RC3H1: variants seen among roughly 807,000 people sequenced by gnomAD.
RC3H1 encodes the protein roquin-1.
Under a neutral mutation model 138.2 loss-of-function variants are expected in RC3H1, and 50 were observed. The observed-to-expected ratio is 0.36, with a 90% CI of 0.29 to 0.46. The LOEUF is 0.46. Ranked by LOEUF, RC3H1 falls within the 20% of genes least tolerant of loss-of-function variation. The pLI is 1.00. For missense variants in RC3H1, 1,031 were observed against 1,388.1 expected (o/e 0.74, Z 4.09); for synonymous variants, 462 against 489.1 (o/e 0.94, Z 0.73).
chr1:174,017,603 C>T (rs1661882281), intron 1 of RC3H1, among the ~76,000 whole-genome samples: 1 of 151,846 alleles, frequency 6.6e-6, no homozygotes, highest in African/African-American at 2.4e-5. Flanking sequence ...ACAGTGTTTC[C>T]TTTTGGGGTA....
intron 19 of RC3H1, 51 bp from the exon 20 acceptor site, chr1:173,938,922 A>T: frequency 2.8e-6 from 4 of 1,416,868 alleles, no homozygotes; most frequent in Non-Finnish European, 3.9e-6. Flanking sequence ...AATGATTACT[A>T]CAATAAAATC....
chr1:173,951,100 G>A (rs1659376123), intron 14 of RC3H1, among the ~76,000 whole-genome samples: 1 of 152,110 alleles, frequency 6.6e-6, no homozygotes, highest in Non-Finnish European at 1.5e-5. Flanking sequence ...CGAGGCGGGT[G>A]GATCACTTGA....
At chr1:174,010,218 T>C (rs1426698490) in intron 1 of RC3H1, among the ~76,000 whole-genome samples, 1 of 152,130 alleles carries the variant, frequency 6.6e-6, no homozygotes, top group Non-Finnish European at 1.5e-5. Flanking sequence ...ATGATAATAA[T>C]AAATTACCTC....
chr1:173,974,534 C>T (rs1660493275), intron 7 of RC3H1, among the ~76,000 whole-genome samples: 1 of 152,014 alleles, frequency 6.6e-6, no homozygotes, highest in Admixed American at 6.6e-5. Context: ...TTCTTCTTGA[C>T]ATGCAGAATA....
Position 173,984,616 on chromosome 1 carries a change from G to C in RC3H1, c.235C>G (p.Pro79Ala), listed in dbSNP as rs1270522299. 11 of 1,611,136 alleles carry C rather than the reference G, an allele frequency of 6.8e-6. No individual in the cohort carries two copies. The highest frequency in any genetic ancestry group is 7.6e-6 in the Non-Finnish European group (9 of 1,179,228). ...CACAAAGTAATAGGCTGCTGCTCAGGGACCTGGAGGCCAAAAGAAAAGATC... is the reference window on the plus strand; with the variant it reads ...CACAAAGTAATAGGCTGCTGCTCAGCGACCTGGAGGCCAAAAGAAAAGATC... The part of the protein sequence containing the change: ...ALLQLVGAQV[P>A]EQQPITLCSG... Residue 79 changes from proline to alanine, a missense_variant, in exon 3 of 20, where the codon CCT (proline) becomes GCT (alanine). By Grantham distance (27) the Pro-to-Ala change is conservative. Transcript: ENST00000367696.
chr1:173,974,559 A>G (rs1660494807), intron 7 of RC3H1, among the ~76,000 whole-genome samples: 1 of 152,214 alleles, frequency 6.6e-6, no homozygotes, highest in Admixed American at 6.5e-5. Context: ...ACCAAGGGAA[A>G]AACATCCAAG....
chr1:173,942,561 G>A (rs1658931084), intron 18 of RC3H1, among the ~76,000 whole-genome samples: 1 of 151,970 alleles, frequency 6.6e-6, no homozygotes, highest in African/African-American at 2.4e-5. Flanking sequence ...GGCTGGGCGT[G>A]GTGGCTCACA....
At chr1:173,952,794 G>C (rs1320085331) in intron 13 of RC3H1, among the ~76,000 whole-genome samples, 1 of 152,106 alleles carries the variant, frequency 6.6e-6, no homozygotes, top group Non-Finnish European at 1.5e-5. Flanking sequence ...CACTAAAATT[G>C]CAACATTCAC....
chr1:173,960,246 C>T (rs550877354), intron 13 of RC3H1, among the ~76,000 whole-genome samples: 2 of 151,506 alleles, frequency 1.3e-5, no homozygotes, highest in African/African-American at 4.8e-5. Flanking sequence ...ACCAAAAATG[C>T]GCCATTGCAC....
chr1:173,992,669 AACAC>A (rs34709821), intron 2 of RC3H1, 82 bp downstream of exon 2: 1,716 of 649,762 alleles, frequency 2.6e-3, no homozygotes, highest in Admixed American at 3.6e-3. Flanking sequence ...AAACACGCAC[AACAC>A]ACACACACAC....
Position 173,983,476 on chromosome 1 carries a change from T to G in RC3H1, c.534A>C (p.Gln178His), listed in dbSNP as rs1660902046. Residue 178 changes from glutamine to histidine, a missense_variant, in exon 4 of 20, where the codon CAA (glutamine) becomes CAC (histidine). By Grantham distance (24) the Gln-to-His change is conservative. Coordinates refer to ENST00000367696, the MANE Select transcript of RC3H1 (RefSeq NM_172071.4). ...CTGCTGCCCAAAGATTGGAAGAGAG[T>G]TGCTGAGGATTCTGGTGCTGGAGAA... ...ELILQHQNPQQLSSNLWAAVR... is the reference protein window; with the variant it reads ...ELILQHQNPQHLSSNLWAAVR... 1 of 1,614,026 alleles carries G rather than the reference T, an allele frequency of 6.2e-7. No homozygotes were observed. Among genetic ancestry groups the G allele is most frequent in the Non-Finnish European group, 8.5e-7 (1 of 1,180,030 alleles).
intron 18 of RC3H1, among the ~76,000 whole-genome samples, chr1:173,942,241 CAA>C (rs538784048): frequency 8.2e-6 from 1 of 122,512 alleles, no homozygotes; most frequent in Non-Finnish European, 1.7e-5. Context: ...GACTCCGCCT[CAA>C]AAAAAAAAAA....
rs977786975 is a variant in RC3H1 at position 173,936,812 on chromosome 1, A to G, written c.*1909T>C. On this transcript the variant is annotated 3_prime_UTR_variant, in exon 20 of 20. Transcript: ENST00000367696. ...AAGACAAATGTATAAGAAAACTGGA[A>G]AAAAAAAAAGCCTCACCTTCATTCA... The G allele has an allele frequency of 4.2e-5, 6 of 141,938 alleles. No individual in the cohort carries two copies. Among genetic ancestry groups the G allele is most frequent in the African/African-American group, 1.5e-4 (6 of 39,398 alleles). 8.8% of individuals were successfully genotyped at this position (141,938 alleles called of 1,614,324 possible).
intron 1 of RC3H1, among the ~76,000 whole-genome samples, chr1:174,006,982 A>T (rs1661663595): frequency 6.6e-6 from 1 of 152,158 alleles, no homozygotes; most frequent in South Asian, 2.1e-4. Context: ...CATTATCAGC[A>T]TCTCAAAAGG....
At chr1:173,966,096 C>T (rs1660104766) in intron 9 of RC3H1, among the ~76,000 whole-genome samples, 1 of 151,944 alleles carries the variant, frequency 6.6e-6, no homozygotes, top group South Asian at 2.1e-4. Flanking sequence ...GCCAAGATTG[C>T]ACCACTGTAC....
intron 1 of RC3H1, among the ~76,000 whole-genome samples, chr1:173,996,550 C>A (rs2103055215): frequency 6.6e-6 from 1 of 152,284 alleles, no homozygotes; most frequent in Non-Finnish European, 1.5e-5. Flanking sequence ...ACCTAGACAG[C>A]TGGAACCAGT....
chr1:173,945,415 C>T (rs1336941411), intron 17 of RC3H1, among the ~76,000 whole-genome samples: 1 of 151,904 alleles, frequency 6.6e-6, no homozygotes, highest in African/African-American at 2.4e-5. Flanking sequence ...CATGAACCAC[C>T]ACGTCCAGCC....
chr1:173,978,732 C>G, intron 6 of RC3H1, 112 bp from the exon 7 acceptor site: 2 of 1,116,988 alleles, frequency 1.8e-6, no homozygotes, highest in Non-Finnish European at 2.5e-6. Context: ...TTTATCTTCC[C>G]ATATACCCTA....
intron 6 of RC3H1, among the ~76,000 whole-genome samples, chr1:173,978,927 G>A (rs956687101): frequency 6.6e-5 from 10 of 152,038 alleles, no homozygotes; most frequent in Admixed American, 1.3e-4. Context: ...GTTAATTCCT[G>A]TTTCTCTCCC....
Sources: gnomAD v4.1 joint callset for allele counts (sites outside exome capture counted in the v4.1 genomes callset) on GRCh38, gnomAD v4.1.1 for gene constraint, MANE v1.5 for transcripts, NCBI Gene and HGNC (gene_info 2026-07-23, HGNC 2026-07-21) for gene names.